GRB10: variants seen among roughly 807,000 people sequenced by gnomAD.
GRB10 encodes growth factor receptor-bound protein 10.
In GRB10, 20 loss-of-function variants were observed where a neutral mutation model predicts 80.9. The ratio of observed to expected loss-of-function variants is 0.25; its 90% CI spans 0.17 to 0.36. GRB10 has a LOEUF of 0.36. GRB10 is among the 10% of genes least tolerant of loss of function. The pLI is 1.00. For missense variants in GRB10, 548 were observed against 747.7 expected (o/e 0.73, Z 3.12); for synonymous variants, 291 against 291.5 (o/e 1.00, Z 0.02).
intron 4 of GRB10, among the ~76,000 whole-genome samples, chr7:50,727,353 T>A (rs961637132): frequency 6.6e-5 from 10 of 152,192 alleles, no homozygotes; most frequent in Non-Finnish European, 1.0e-4. Flanking sequence ...TCTGTCTCCC[T>A]CCAGGGCTGG....
At chr7:50,688,573 G>A (rs1055430494) in intron 5 of GRB10, among the ~76,000 whole-genome samples, 3 of 152,202 alleles carry the variant, frequency 2.0e-5, no homozygotes, top group Non-Finnish European at 4.4e-5. Context: ...AAGGTAAGCT[G>A]TCTATGCAGC....
intron 8 of GRB10, among the ~76,000 whole-genome samples, chr7:50,621,768 A>G (rs1340658498): frequency 6.6e-6 from 1 of 152,268 alleles, no homozygotes; most frequent in African/African-American, 2.4e-5. Context: ...ATATTCCAAA[A>G]ATAATTTCAA....
intron 4 of GRB10, among the ~76,000 whole-genome samples, chr7:50,713,408 A>G (rs2066223128): frequency 6.9e-6 from 1 of 144,512 alleles, no homozygotes; most frequent in African/African-American, 2.6e-5. Context: ...CTCCACCGCC[A>G]CCTCCATCTC....
intron 5 of GRB10, among the ~76,000 whole-genome samples, chr7:50,696,534 C>T (rs2063443656): frequency 6.6e-6 from 1 of 152,194 alleles, no homozygotes; most frequent in Non-Finnish European, 1.5e-5. Flanking sequence ...GCTCATGAGC[C>T]TTTGGGAGCT....
At chr7:50,711,709 A>C (rs1008027966) in intron 4 of GRB10, among the ~76,000 whole-genome samples, 1 of 152,102 alleles carries the variant, frequency 6.6e-6, no homozygotes, top group African/African-American at 2.4e-5. Flanking sequence ...GAACACACAC[A>C]AGCCGTCAGA....
chr7:50,619,977 A>G (rs1194940514), intron 8 of GRB10, among the ~76,000 whole-genome samples: 3 of 152,190 alleles, frequency 2.0e-5, no homozygotes, highest in Non-Finnish European at 2.9e-5. Context: ...CATCTTACAT[A>G]GCAGCACTGT....
At chr7:50,778,470 C>T (rs2077931786) in intron 2 of GRB10, among the ~76,000 whole-genome samples, 1 of 152,176 alleles carries the variant, frequency 6.6e-6, no homozygotes, top group African/African-American at 2.4e-5. Flanking sequence ...AATGTCTTTG[C>T]TATCCAAGGA....
rs1384965773 is a variant in GRB10, at chr7:50,592,479, GTAT to G, written c.*470_*472del. On this transcript the variant is annotated 3_prime_UTR_variant, in exon 19 of 19. Transcript: ENST00000401949. Reference sequence around the variant, plus strand: ...AATCTGCCCATTCAAAACTCTTTCTGTATTATATGAGTTGAAACGCCACATCCC... The same window carrying G: ...AATCTGCCCATTCAAAACTCTTTCTGTATATGAGTTGAAACGCCACATCCC... 1.4e-5 allele frequency: 3 copies of G among 208,886 alleles called. No individual in the cohort carries two copies. The highest frequency in any genetic ancestry group is 3.0e-5 in the Non-Finnish European group (3 of 101,438). 12.9% of individuals were successfully genotyped at this position (208,886 alleles called of 1,614,324 possible).
intron 3 of GRB10, among the ~76,000 whole-genome samples, chr7:50,755,496 C>T (rs2074931880): frequency 6.6e-6 from 1 of 152,188 alleles, no homozygotes; most frequent in Non-Finnish European, 1.5e-5. Flanking sequence ...TTCAGAACAA[C>T]AGCTACCAAC....
At chr7:50,756,632 T>C (rs55688337) in intron 2 of GRB10, among the ~76,000 whole-genome samples, 3,232 of 152,294 alleles carry the variant, frequency 0.021, 114 homozygotes, top group African/African-American at 0.074. Context: ...TCAAGTCCTA[T>C]GAACTGAGAG....
intron 13 of GRB10, chr7:50,606,687 TA>T: frequency 2.1e-6 from 1 of 475,966 alleles, no homozygotes; most frequent in African/African-American, 2.0e-5. Context: ...AATGATAACA[TA>T]AACAGTTAAT....
chr7:50,611,169 C>G (rs1194580667), intron 13 of GRB10, among the ~76,000 whole-genome samples: 1 of 152,244 alleles, frequency 6.6e-6, no homozygotes, highest in East Asian at 1.9e-4. Flanking sequence ...ACACAATGTT[C>G]ATGAGCATAC....
At chr7:50,610,094 T>C (rs1304428026) in intron 13 of GRB10, among the ~76,000 whole-genome samples, 3 of 152,168 alleles carry the variant, frequency 2.0e-5, no homozygotes, top group African/African-American at 7.2e-5. Context: ...GACCCTCTTA[T>C]CCTCTAAAAG....
chr7:50,686,938 G>A (rs2062166330), intron 5 of GRB10, among the ~76,000 whole-genome samples: 1 of 151,904 alleles, frequency 6.6e-6, no homozygotes, highest in African/African-American at 2.4e-5. Context: ...TTTTTATTTA[G>A]ATACCTTCCT....
intron 5 of GRB10, among the ~76,000 whole-genome samples, chr7:50,691,192 C>T (rs1384649533): frequency 1.3e-5 from 2 of 152,088 alleles, no homozygotes; most frequent in African/African-American, 4.8e-5. Flanking sequence ...AAACTCAATC[C>T]CTACAGTTGA....
intron 12 of GRB10, among the ~76,000 whole-genome samples, chr7:50,613,082 A>C (rs1458140824): frequency 6.6e-6 from 1 of 152,248 alleles, no homozygotes; most frequent in East Asian, 1.9e-4. Context: ...CTGAATAATA[A>C]GCCATCCTTT....
intron 7 of GRB10, among the ~76,000 whole-genome samples, chr7:50,633,078 T>A (rs761617327): frequency 3.3e-5 from 5 of 152,150 alleles, no homozygotes; most frequent in Non-Finnish European, 5.9e-5. Flanking sequence ...TGCAACTGCC[T>A]CTCAACTGCA....
chr7:50,662,813 T>G (rs1395515223), intron 7 of GRB10, among the ~76,000 whole-genome samples: 1 of 152,202 alleles, frequency 6.6e-6, no homozygotes, highest in Non-Finnish European at 1.5e-5. Context: ...AGAACCCAAA[T>G]GTGAGTCTTG....
At chr7:50,671,022 C>T (rs1481780169) in intron 6 of GRB10, among the ~76,000 whole-genome samples, 4 of 152,158 alleles carry the variant, frequency 2.6e-5, no homozygotes, top group Non-Finnish European at 5.9e-5. Context: ...GAATCAGAAG[C>T]AACTGTGAAC....
Sources: gnomAD v4.1 joint callset for allele counts (sites outside exome capture counted in the v4.1 genomes callset) on GRCh38, gnomAD v4.1.1 for gene constraint, MANE v1.5 for transcripts, NCBI Gene and HGNC (gene_info 2026-07-23, HGNC 2026-07-21) for gene names.